The following KDM4C variants were observed in gnomAD, a reference collection of about 807,000 sequenced individuals.
KDM4C encodes lysine-specific demethylase 4C.
Under a neutral mutation model 129.3 loss-of-function variants are expected in KDM4C, and 81 were observed. The ratio of observed to expected loss-of-function variants is 0.63; its 90% confidence interval spans 0.52 to 0.75. The LOEUF is 0.75. KDM4C is among the 30% of genes least tolerant of loss of function. The pLI is 0.00. For missense variants in KDM4C, 1,457 were observed against 1,304.0 expected (o/e 1.12, Z -1.81); for synonymous variants, 573 against 456.1 (o/e 1.26, Z -3.26).
At chr9:6,949,111 C>A (rs1051118136) in intron 8 of KDM4C, among the ~76,000 whole-genome samples, 10 of 148,528 alleles carry the variant, frequency 6.7e-5, no homozygotes, top group Non-Finnish European at 1.2e-4. Context: ...CGGGTGGAGA[C>A]GCTCCTCACT....
intron 17 of KDM4C, among the ~76,000 whole-genome samples, chr9:7,097,672 C>G (rs1182372934): frequency 6.6e-6 from 1 of 152,138 alleles, no homozygotes; most frequent in African/African-American, 2.4e-5. Flanking sequence ...GCTGCCTCGC[C>G]TTGCCCTGCC....
rs1245581580 is a variant in KDM4C, at chr9:6,887,992, G to T, written c.712G>T (p.Ala238Ser). Reference protein sequence around the residue: ...FFPSSSQGCDAFLRHKMTLIS... With the variant: ...FFPSSSQGCDSFLRHKMTLIS... ...CCCAAGCAGCTCCCAAGGGTGTGAT[G>T]CATTTCTTCGCCACAAGATGACATT... The change falls in exon 7 of 22, where the codon GCA becomes TCA. Residue 238 changes from alanine to serine, a missense_variant. By Grantham distance (99) the Ala-to-Ser change is moderately conservative. Transcript: ENST00000381309. 6.2e-7 allele frequency: 1 copy of T among 1,611,778 alleles called. No homozygotes were observed. The highest frequency in any genetic ancestry group is 1.1e-5 in the South Asian group (1 of 90,972).
chr9:6,950,488 G>C (rs1180174074), intron 8 of KDM4C, among the ~76,000 whole-genome samples: 1 of 152,140 alleles, frequency 6.6e-6, no homozygotes, highest in African/African-American at 2.4e-5. Flanking sequence ...AAGTATTTAT[G>C]TGAAAACCTG....
chr9:7,149,011 T>C (rs1437532422), intron 19 of KDM4C, among the ~76,000 whole-genome samples: 1 of 152,174 alleles, frequency 6.6e-6, no homozygotes, highest in African/African-American at 2.4e-5. Context: ...TCACCAGGGA[T>C]CCCTCCCATC....
Position 6,733,877 on chromosome 9 carries a change from C to G in KDM4C, c.49+12880C>G, listed in dbSNP as rs191125648. Among the ~76,000 whole-genome samples the G allele has an allele frequency of 9.9e-4, 151 of 152,232 alleles. 1 individual carries two copies. Among genetic ancestry groups the G allele is most frequent in the Non-Finnish European group, 1.6e-3 (109 of 68,014 alleles). On this transcript the variant is annotated intron_variant, in intron 1 of 17. Coordinates refer to the KDM4C transcript ENST00000536108. ...GGTTAACTTCCTGATGTTGCCATAG[C>G]TTTTGTAAACTGTCATGGCGCTGCT...
intron 2 of KDM4C, among the ~76,000 whole-genome samples, 158 bp from the exon 3 acceptor site, chr9:6,805,441 A>G (rs1050661720): frequency 2.0e-5 from 3 of 150,704 alleles, no homozygotes; most frequent in East Asian, 1.9e-4. Context: ...ATAACATCAT[A>G]TTGCTTTATT....
intron 4 of KDM4C, chr9:6,834,640 A>G: frequency 1.3e-6 from 1 of 777,284 alleles, no homozygotes. Flanking sequence ...AGAGCAAGAG[A>G]GGCATCCTGA....
At chr9:6,923,677 A>G (rs945735345) in intron 8 of KDM4C, among the ~76,000 whole-genome samples, 2 of 152,376 alleles carry the variant, frequency 1.3e-5, no homozygotes, top group African/African-American at 4.8e-5. Flanking sequence ...ATGGCTTGTA[A>G]TTAATGACCA....
At chr9:6,834,862 C>G (rs1431863362) in intron 4 of KDM4C, 9 of 1,339,594 alleles carry the variant, frequency 6.7e-6, no homozygotes, top group South Asian at 1.2e-5. Context: ...ACATGGCCAT[C>G]CAGCCCGTGC....
Position 7,169,852 on chromosome 9 carries a change from T to G in KDM4C, c.2956T>G (p.Leu986Val). 1.2e-6 allele frequency: 2 copies of G among 1,613,468 alleles called. No homozygotes were observed. Among genetic ancestry groups the G allele is most frequent in the Non-Finnish European group, 1.7e-6 (2 of 1,179,402 alleles). The change falls in exon 21 of 22, where the codon TTA (leucine) becomes GTA (valine). Residue 986 changes from leucine (L) to valine (V), a missense_variant. Transcript: ENST00000381309. ...AATGAAGAGAGAGGACATCTACACT[T>G]TAGATGAAGAGTTACCCAAGAGAGT... ...IAMKREDIYTLDEELPKRVKA... is the reference protein window; with the variant it reads ...IAMKREDIYTVDEELPKRVKA...
chr9:7,036,859 T>A (rs1395559273), intron 15 of KDM4C, among the ~76,000 whole-genome samples: 1 of 152,190 alleles, frequency 6.6e-6, no homozygotes, highest in Admixed American at 6.6e-5. Context: ...GATTAATAGT[T>A]GTTGAATTAA....
intron 4 of KDM4C, among the ~76,000 whole-genome samples, chr9:6,815,618 C>G (rs1346729939): frequency 6.6e-6 from 1 of 152,190 alleles, no homozygotes; most frequent in South Asian, 2.1e-4. Context: ...GTTAAGCATC[C>G]TTCATCCAGA....
At chr9:7,034,448 T>C (rs1827294899) in intron 15 of KDM4C, among the ~76,000 whole-genome samples, 1 of 152,252 alleles carries the variant, frequency 6.6e-6, no homozygotes, top group Non-Finnish European at 1.5e-5. Context: ...TGAGTGAGAA[T>C]GTGCAGTGTT....
chr9:6,777,827 A>G (rs116108535), intron 1 of KDM4C, among the ~76,000 whole-genome samples: 2,021 of 151,950 alleles, frequency 0.013, 51 homozygotes, highest in African/African-American at 0.046. Flanking sequence ...ACTGCAAGCC[A>G]TAAAAACTTG....
intron 18 of KDM4C, 112 bp from the exon 19 acceptor site, chr9:7,127,954 T>A (rs916716559): frequency 8.6e-6 from 9 of 1,051,280 alleles, no homozygotes; most frequent in African/African-American, 1.7e-5. Flanking sequence ...ATTTTTTTTT[T>A]AAATCTTGGC....
intron 19 of KDM4C, among the ~76,000 whole-genome samples, chr9:7,146,428 T>C (rs1842221396): frequency 6.6e-6 from 1 of 152,254 alleles, no homozygotes; most frequent in Non-Finnish European, 1.5e-5. Flanking sequence ...TCTTTACAGA[T>C]TGCTTTGTCA....
intron 11 of KDM4C, among the ~76,000 whole-genome samples, chr9:6,989,915 C>A (rs576666103): frequency 8.0e-5 from 12 of 150,280 alleles, no homozygotes; most frequent in African/African-American, 2.9e-4. Context: ...CCTGGGACCA[C>A]AGGCATATGC....
intron 8 of KDM4C, among the ~76,000 whole-genome samples, chr9:6,944,405 G>A (rs1292329754): frequency 3.9e-5 from 6 of 152,076 alleles, no homozygotes; most frequent in African/African-American, 1.2e-4. Flanking sequence ...AATAGTTTGA[G>A]TACATTGTTC....
At chr9:7,170,462 A>G in intron 21 of KDM4C, 7 of 986,248 alleles carry the variant, frequency 7.1e-6, no homozygotes, top group Non-Finnish European at 8.4e-6. Flanking sequence ...AAAAGGAAAT[A>G]GTAGTTTCAT....
Sources: allele counts gnomAD v4.1 joint callset (sites outside exome capture counted in the v4.1 genomes callset), GRCh38; gene constraint gnomAD v4.1.1; transcripts MANE v1.5; gene names NCBI Gene and HGNC (gene_info 2026-07-23, HGNC 2026-07-21).